Variants in MAP4K4 observed in about 807,000 individuals in gnomAD.
MAP4K4 encodes the protein mitogen-activated protein kinase kinase kinase kinase 4.
MAP4K4 carries 38 observed loss-of-function variants against 189.6 expected under a neutral mutation model. The observed-to-expected ratio is 0.20, with a 90% CI of 0.15 to 0.26. The LOEUF (loss-of-function observed/expected upper bound fraction) is 0.26. MAP4K4 is among the 10% of genes least tolerant of loss of function. The pLI is 1.00. For missense variants in MAP4K4, 1,054 were observed against 1,726.9 expected (o/e 0.61, Z 6.91); for synonymous variants, 610 against 624.3 (o/e 0.98, Z 0.34).
intron 2 of MAP4K4, among the ~76,000 whole-genome samples, chr2:101,785,926 G>A (rs2090992486): frequency 6.6e-6 from 1 of 152,022 alleles, no homozygotes; most frequent in South Asian, 2.1e-4. Context: ...CCAGATTCAA[G>A]TGATTCTCGT....
At chr2:101,825,360 T>C (rs2096301162) in exon 5 of MAP4K4, 1 of 1,613,408 alleles carries the variant, frequency 6.2e-7, no homozygotes, top group Admixed American at 1.7e-5. Flanking sequence ...TTACAGACCT[T>C]GTGAAGAACA....
intron 2 of MAP4K4, among the ~76,000 whole-genome samples, chr2:101,769,974 C>T (rs2080523703): frequency 6.6e-6 from 1 of 152,100 alleles, no homozygotes; most frequent in African/African-American, 2.4e-5. Context: ...ACCACCAACC[C>T]TAACAGCTGA....
intron 2 of MAP4K4, among the ~76,000 whole-genome samples, chr2:101,753,732 C>T (rs576814366): frequency 5.3e-5 from 8 of 151,110 alleles, no homozygotes; most frequent in Admixed American, 4.6e-4. Context: ...GTCTGTTTGT[C>T]TCAAGGAGTG....
intron 2 of MAP4K4, among the ~76,000 whole-genome samples, chr2:101,714,951 C>G (rs1273505615): frequency 6.6e-6 from 1 of 152,098 alleles, no homozygotes; most frequent in Non-Finnish European, 1.5e-5. Flanking sequence ...TTTCACTATT[C>G]AGAGAATGTG....
intron 2 of MAP4K4, among the ~76,000 whole-genome samples, chr2:101,759,065 G>A (rs1558770297): frequency 6.6e-6 from 1 of 151,636 alleles, no homozygotes. Flanking sequence ...CCCGGGAGGC[G>A]GAGCTTGCAG....
intron 2 of MAP4K4, among the ~76,000 whole-genome samples, chr2:101,740,185 G>C (rs12467435): frequency 9.5e-6 from 1 of 104,780 alleles, no homozygotes; most frequent in Admixed American, 1.0e-4. Flanking sequence ...ACGGAGTCTC[G>C]CTCTGTCGCC....
chr2:101,762,711 C>T (rs12473612), intron 2 of MAP4K4, among the ~76,000 whole-genome samples: 1,773 of 152,292 alleles, frequency 0.012, 14 homozygotes, highest in South Asian at 0.02. Flanking sequence ...ATGTGTTGCA[C>T]AAAGCTGTAC....
At chr2:101,719,084 G>A (rs1390671609) in intron 2 of MAP4K4, among the ~76,000 whole-genome samples, 2 of 152,202 alleles carry the variant, frequency 1.3e-5, no homozygotes, top group African/African-American at 4.8e-5. Context: ...GTTGATGTAG[G>A]AAGAGGTGTT....
intron 2 of MAP4K4, among the ~76,000 whole-genome samples, chr2:101,713,232 T>C (rs2046582661): frequency 6.6e-6 from 1 of 152,092 alleles, no homozygotes; most frequent in Admixed American, 6.6e-5. Context: ...TGATTGTGCT[T>C]AAAATATTTA....
intron 3 of MAP4K4, among the ~76,000 whole-genome samples, chr2:101,794,392 G>A (rs921500030): frequency 6.6e-6 from 1 of 152,232 alleles, no homozygotes; most frequent in African/African-American, 2.4e-5. Context: ...CTCTTTGAGT[G>A]AGGTTTGTCT....
At chr2:101,836,494 A>G (rs1200312823) in intron 9 of MAP4K4, among the ~76,000 whole-genome samples, 1 of 152,094 alleles carries the variant, frequency 6.6e-6, no homozygotes, top group Non-Finnish European at 1.5e-5. Flanking sequence ...AGGCTGAGGC[A>G]GGAGAATCGC....
rs546378092 is a variant in MAP4K4 at position 101,826,472 on chromosome 2, A to T, written c.417+1043A>T. ...ACCATCTTTTTATAAACACTTGCAA[A>T]TGTCATTAAAATGTCAGGATCTTTT... On this transcript the variant is annotated intron_variant, in intron 5 of 32. Transcript: ENST00000324219. 1.1e-4 allele frequency among the ~76,000 whole-genome samples: 16 copies of T among 152,284 alleles called. No individual in the cohort carries two copies. The South Asian group carries it at 3.3e-3, about 32-fold the overall frequency.
At chr2:101,890,135 A>G (rs1221204808) in intron 32 of MAP4K4, among the ~76,000 whole-genome samples, 1 of 152,364 alleles carries the variant, frequency 6.6e-6, no homozygotes, top group East Asian at 1.9e-4. Context: ...AATAAATGGC[A>G]CAAAAATTCT....
chr2:101,713,105 A>G (rs540213680), intron 2 of MAP4K4, among the ~76,000 whole-genome samples: 2 of 151,014 alleles, frequency 1.3e-5, no homozygotes, highest in East Asian at 4.0e-4. Context: ...GGGTTTCATC[A>G]TGTTGGCCAG....
At chr2:101,791,608 T>C (rs765254109) in intron 3 of MAP4K4, among the ~76,000 whole-genome samples, 12 of 152,220 alleles carry the variant, frequency 7.9e-5, no homozygotes, top group Non-Finnish European at 1.8e-4. Context: ...AGATTTAGGA[T>C]AACTTTAAAT....
At position 101,877,261 on chromosome 2, in the gene MAP4K4, C is replaced by G. The variant is rs943643266; in HGVS notation, c.3385+115C>G. Reference sequence around the variant, plus strand: ...GATGTACTGGCTAAATAAGGTACAACCACATTGAGACTTGACAATAATGTG... The same window carrying G: ...GATGTACTGGCTAAATAAGGTACAAGCACATTGAGACTTGACAATAATGTG... On this transcript the variant is annotated intron_variant, in intron 27 of 32. Coordinates refer to ENST00000324219, the Ensembl canonical transcript of MAP4K4. 3.9e-6 allele frequency: 4 copies of G among 1,024,592 alleles called. No individual in the cohort carries two copies. In the South Asian group the frequency reaches 4.6e-5, roughly 12 times the overall value. 63.5% of individuals were successfully genotyped at this position (1,024,592 alleles called of 1,614,324 possible). A position where few individuals can be genotyped will look rare whatever the true frequency, so the allele number is the denominator to read the frequency against.
Position 101,870,280 on chromosome 2 carries a change from A to AT in MAP4K4, c.2640-9dup, listed in dbSNP as rs34644795. The AT allele has an allele frequency of 4.3e-5, 69 of 1,611,042 alleles. No homozygotes were observed. Among genetic ancestry groups the AT allele is most frequent in the Admixed American group, 1.8e-4 (11 of 59,648 alleles). ...AGAGATTAAGGCCTTTCACGTCTGGATTTTTTCTCCATAGGTCATCTCTGA... is the reference window on the plus strand; with the variant it reads ...AGAGATTAAGGCCTTTCACGTCTGGATTTTTTTCTCCATAGGTCATCTCTGA... On this transcript the variant is annotated splice_polypyrimidine_tract_variant and intron_variant, in intron 22 of 32. Transcript: ENST00000324219.
intron 2 of MAP4K4, among the ~76,000 whole-genome samples, chr2:101,771,155 T>C (rs1040829609): frequency 4.6e-5 from 7 of 152,204 alleles, no homozygotes; most frequent in Admixed American, 3.3e-4. Context: ...GTTTTCCTGC[T>C]CTCAGCCTGT....
intron 2 of MAP4K4, among the ~76,000 whole-genome samples, chr2:101,738,047 G>T (rs999867448): frequency 3.3e-5 from 5 of 152,174 alleles, no homozygotes; most frequent in African/African-American, 7.2e-5. Flanking sequence ...ATCCAAGATT[G>T]ACTCAGGACC....
Sources: gnomAD v4.1 joint callset for allele counts (sites outside exome capture counted in the v4.1 genomes callset) on GRCh38, gnomAD v4.1.1 for gene constraint, MANE v1.5 for transcripts, NCBI Gene and HGNC (gene_info 2026-07-23, HGNC 2026-07-21) for gene names.